PCDHA5: variants seen among roughly 807,000 people sequenced by gnomAD.
The protein encoded by PCDHA5 is protocadherin alpha 5.
A neutral mutation model predicts 61.6 loss-of-function variants in PCDHA5; 43 were observed. The ratio of observed to expected loss-of-function variants is 0.70; its 90% CI spans 0.55 to 0.90. The LOEUF (loss-of-function observed/expected upper bound fraction) is 0.90, where lower values mean the gene tolerates loss of function less well. Among genes scored for constraint, PCDHA5 ranks in the 40% least tolerant of loss-of-function variants. The probability of loss-of-function intolerance (pLI) is 0.00; values close to 1 mark genes in which losing one functional copy is unlikely to be tolerated. For missense variants in PCDHA5, 1,298 were observed against 1,222.7 expected (o/e 1.06, Z -0.92); for synonymous variants, 627 against 543.9 (o/e 1.15, Z -2.13).
At chr5:140,917,657 G>A (rs1382905790) in intron 1 of PCDHA5, among the ~76,000 whole-genome samples, 2 of 152,156 alleles carry the variant, frequency 1.3e-5, no homozygotes, top group Admixed American at 1.3e-4. Context: ...TATTGAGTAG[G>A]AAGTCCTTTC....
At position 140,836,060 on chromosome 5, in the gene PCDHA5, C is replaced by A; in HGVS notation, c.2352+11933C>A. ...TGCAGGTGTTCGTGCTGGACGAGAA[C>A]GACAACGCGCCGGCACTGCTGGCGC... is the stretch of plus-strand genomic sequence containing the variant. On this transcript the variant is annotated intron_variant, in intron 1 of 3. Coordinates refer to ENST00000529859, the MANE Select transcript of PCDHA5 (RefSeq NM_018908.3). 8.1e-6 allele frequency: 13 copies of A among 1,613,098 alleles called. No individual in the cohort carries two copies. The highest frequency in any genetic ancestry group is 1.1e-5 in the Non-Finnish European group (13 of 1,179,748).
intron 2 of PCDHA5, among the ~76,000 whole-genome samples, chr5:140,981,680 C>T (rs1238332235): frequency 6.6e-6 from 1 of 151,746 alleles, no homozygotes; most frequent in Non-Finnish European, 1.5e-5. Flanking sequence ...CTTCCTTCCT[C>T]CCTTCCATCA....
intron 1 of PCDHA5, among the ~76,000 whole-genome samples, chr5:140,833,397 T>C (rs1420614000): frequency 6.6e-6 from 1 of 152,172 alleles, no homozygotes; most frequent in East Asian, 1.9e-4. Flanking sequence ...ACCTCAAGAC[T>C]TGATCAAAGG....
In PCDHA5 at chr5:140,882,894, G is replaced by A. The variant is rs1554176001; in HGVS notation, c.2352+58767G>A. The A allele has an allele frequency of 5.6e-6, 9 of 1,614,190 alleles. No homozygotes were observed. The East Asian group carries it at 1.3e-4, about 24-fold the overall frequency. The stretch of plus-strand genomic sequence containing the variant: ...GACAGAGAGGAAATTCAGGAACATA[G>A]TTTATTACTGACAGCCAGTGATGGA... On this transcript the variant is annotated intron_variant, in intron 1 of 3. Coordinates refer to ENST00000529859, the MANE Select transcript of PCDHA5 (RefSeq NM_018908.3).
intron 3 of PCDHA5, among the ~76,000 whole-genome samples, chr5:141,003,794 G>A (rs1158199764): frequency 6.6e-6 from 1 of 152,102 alleles, no homozygotes; most frequent in Non-Finnish European, 1.5e-5. Context: ...AAATCCTATT[G>A]GGTTGTAATC....
chr5:140,882,662 A>G (rs1554175058), intron 1 of PCDHA5: 7 of 1,614,224 alleles, frequency 4.3e-6, no homozygotes, highest in Non-Finnish European at 5.9e-6. Context: ...CAACCCGCCC[A>G]TATTCCCTGA....
chr5:140,863,384 C>A (rs563178599), intron 1 of PCDHA5: 2 of 1,044,912 alleles, frequency 1.9e-6, no homozygotes, highest in South Asian at 1.2e-5. Flanking sequence ...ACCGAGAGCT[C>A]GTGCATGCCG....
chr5:140,992,681 G>A (rs575311513), intron 3 of PCDHA5, among the ~76,000 whole-genome samples: 2 of 152,286 alleles, frequency 1.3e-5, no homozygotes, highest in South Asian at 4.2e-4. Flanking sequence ...TGTGTGTTAG[G>A]GGTTGAGGGG....
At chr5:141,001,723 A>G (rs936645287) in intron 3 of PCDHA5, among the ~76,000 whole-genome samples, 22 of 152,286 alleles carry the variant, frequency 1.4e-4, no homozygotes, top group African/African-American at 4.8e-4. Context: ...GGAGCTTGAG[A>G]TATTTTACAA....
At chr5:140,980,094 TA>T (rs1554241421) in intron 2 of PCDHA5, among the ~76,000 whole-genome samples, 1 of 152,218 alleles carries the variant, frequency 6.6e-6, no homozygotes, top group African/African-American at 2.4e-5. Context: ...GTTGGCTTGG[TA>T]AGATGTCACA....
chr5:140,983,523 T>G (rs1186391173), intron 3 of PCDHA5, among the ~76,000 whole-genome samples: 1 of 152,224 alleles, frequency 6.6e-6, no homozygotes, highest in East Asian at 1.9e-4. Flanking sequence ...CTGTGCCAAG[T>G]ACATTGTATG....
At chr5:140,830,159 G>A (rs2150182204) in intron 1 of PCDHA5, 33 of 1,613,266 alleles carry the variant, frequency 2.0e-5, no homozygotes, top group Non-Finnish European at 2.7e-5. Flanking sequence ...CGCGGGCCCA[G>A]AGGCGGCGCT....
intron 1 of PCDHA5, among the ~76,000 whole-genome samples, chr5:140,919,250 T>G (rs1471325437): frequency 6.6e-6 from 1 of 152,236 alleles, no homozygotes; most frequent in African/African-American, 2.4e-5. Flanking sequence ...TTGTCTGTTT[T>G]GTCTGATATT....
intron 1 of PCDHA5, among the ~76,000 whole-genome samples, chr5:140,885,031 AT>A (rs1165183992): frequency 6.6e-6 from 1 of 152,198 alleles, no homozygotes; most frequent in Non-Finnish European, 1.5e-5. Flanking sequence ...AATTTAAAAA[AT>A]TTTTAGTTTA....
At chr5:140,906,924 T>G (rs1244538728) in intron 1 of PCDHA5, among the ~76,000 whole-genome samples, 1 of 152,226 alleles carries the variant, frequency 6.6e-6, no homozygotes, top group African/African-American at 2.4e-5. Flanking sequence ...GCCCAAAAAG[T>G]GTCCCGGTGT....
intron 1 of PCDHA5, among the ~76,000 whole-genome samples, chr5:140,978,421 T>C (rs969808613): frequency 2.0e-5 from 3 of 152,236 alleles, no homozygotes; most frequent in Non-Finnish European, 4.4e-5. Flanking sequence ...AAAGAGACTG[T>C]TATCAGTTGC....
chr5:140,928,834 T>G, intron 1 of PCDHA5: 3 of 1,614,178 alleles, frequency 1.9e-6, no homozygotes, highest in Non-Finnish European at 2.5e-6. Flanking sequence ...ACCACTTTCC[T>G]CCTCTGTCAC....
intron 1 of PCDHA5, among the ~76,000 whole-genome samples, chr5:140,919,543 T>C (rs2079190617): frequency 6.6e-6 from 1 of 152,200 alleles, no homozygotes; most frequent in Non-Finnish European, 1.5e-5. Context: ...ATACTTTTCA[T>C]TTACTGATTT....
chr5:140,857,818 G>T, intron 1 of PCDHA5: 1 of 1,597,774 alleles, frequency 6.3e-7, no homozygotes, highest in Non-Finnish European at 8.6e-7. Flanking sequence ...GTCACGTGGT[G>T]GCTAAGGTGC....
Sources: gnomAD v4.1 joint callset for allele counts (sites outside exome capture counted in the v4.1 genomes callset) on GRCh38, gnomAD v4.1.1 for gene constraint, MANE v1.5 for transcripts, NCBI Gene and HGNC (gene_info 2026-07-23, HGNC 2026-07-21) for gene names.